The following TRIO variants were observed in gnomAD, a reference collection of about 807,000 sequenced individuals.
TRIO encodes triple functional domain protein.
A neutral mutation model predicts 351.9 loss-of-function variants in TRIO; 58 were observed. That is an observed-to-expected ratio of 0.16 (90% CI 0.13 to 0.21). The LOEUF (loss-of-function observed/expected upper bound fraction) is 0.21, where lower values mean the gene tolerates loss of function less well. Among genes scored for constraint, TRIO ranks in the 10% least tolerant of loss-of-function variants. TRIO has a pLI of 1.00. For missense variants in TRIO, 3,201 were observed against 4,027.8 expected (o/e 0.79, Z 5.56); for synonymous variants, 1,758 against 1,595.7 (o/e 1.10, Z -2.42).
Position 14,374,353 on chromosome 5 carries a change from G to A in TRIO, c.3331+10G>A. Reference sequence around the variant, plus strand: ...GAACAGCAAGTGAAAAGTGAGTAGAGCTGGGAGTCTCCAGGGGTGGCCCAG... The same window carrying A: ...GAACAGCAAGTGAAAAGTGAGTAGAACTGGGAGTCTCCAGGGGTGGCCCAG... On this transcript the variant is annotated intron_variant, in intron 19 of 56. Transcript: ENST00000344204. 2 of 1,609,736 alleles carry A rather than the reference G, an allele frequency of 1.2e-6. No individual in the cohort carries two copies. The highest frequency in any genetic ancestry group is 1.7e-6 in the Non-Finnish European group (2 of 1,177,324).
At chr5:14,448,363 T>TG (rs1327817470) in intron 34 of TRIO, among the ~76,000 whole-genome samples, 1 of 152,160 alleles carries the variant, frequency 6.6e-6, no homozygotes, top group Middle Eastern at 3.2e-3. Context: ...TGGGGGAATA[T>TG]GGGGTCACAT....
chr5:14,380,062 G>A (rs529942100), intron 20 of TRIO, among the ~76,000 whole-genome samples: 1 of 152,110 alleles, frequency 6.6e-6, no homozygotes, highest in African/African-American at 2.4e-5. Context: ...TTCCTCTTCT[G>A]TCTTTTCTGT....
At chr5:14,169,012 C>T (rs1036518370) in intron 1 of TRIO, among the ~76,000 whole-genome samples, 3 of 152,196 alleles carry the variant, frequency 2.0e-5, no homozygotes, top group Non-Finnish European at 4.4e-5. Context: ...GGAGCCTCTA[C>T]TTAGGGGATT....
At chr5:14,263,704 T>TG (rs1244579193) in intron 1 of TRIO, among the ~76,000 whole-genome samples, 1 of 152,136 alleles carries the variant, frequency 6.6e-6, no homozygotes, top group African/African-American at 2.4e-5. Context: ...AGCAAGTCTT[T>TG]GGGGCAGGAC....
At chr5:14,425,977 G>T (rs1301618266) in intron 34 of TRIO, among the ~76,000 whole-genome samples, 1 of 152,144 alleles carries the variant, frequency 6.6e-6, no homozygotes, top group East Asian at 1.9e-4. Flanking sequence ...TTAATTTTTT[G>T]AGGCTGCCCA....
chr5:14,220,750 G>A (rs1944634609), intron 1 of TRIO, among the ~76,000 whole-genome samples: 1 of 152,222 alleles, frequency 6.6e-6, no homozygotes, highest in Non-Finnish European at 1.5e-5. Flanking sequence ...TCTGATAGAG[G>A]TGAGGAAGCT....
intron 1 of TRIO, among the ~76,000 whole-genome samples, chr5:14,228,819 C>T (rs551802284): frequency 5.3e-5 from 8 of 151,814 alleles, no homozygotes; most frequent in East Asian, 3.9e-4. Context: ...TGCAGTGAGC[C>T]GAGATCATGC....
intron 8 of TRIO, among the ~76,000 whole-genome samples, chr5:14,308,005 G>T (rs1738525643): frequency 6.6e-6 from 1 of 152,014 alleles, no homozygotes; most frequent in African/African-American, 2.4e-5. Flanking sequence ...TTTTTGATAT[G>T]TCCTTATTGT....
intron 15 of TRIO, among the ~76,000 whole-genome samples, chr5:14,365,400 AAAGT>A (rs1018439478): frequency 1.3e-5 from 2 of 152,178 alleles, no homozygotes; most frequent in Non-Finnish European, 2.9e-5. Flanking sequence ...AAGCAAACAG[AAAGT>A]AAGTTTGGTT....
At position 14,195,354 on chromosome 5, in the gene TRIO, A is replaced by G. The variant is rs566552169; in HGVS notation, c.157+51472A>G. 3.5e-4 allele frequency among the ~76,000 whole-genome samples: 53 copies of G among 152,278 alleles called. 1 individual carries two copies. Among genetic ancestry groups the G allele is most frequent in the African/African-American group, 1.3e-3 (53 of 41,538 alleles). On this transcript the variant is annotated intron_variant, in intron 1 of 56. Transcript: ENST00000344204. ...TCCTTGTGATGTGGGTGGGAATACTACTGAAGGGTGGTATTGTGCTCTCTG... is the reference window on the plus strand; with the variant it reads ...TCCTTGTGATGTGGGTGGGAATACTGCTGAAGGGTGGTATTGTGCTCTCTG...
chr5:14,351,721 G>A (rs1482654198), intron 11 of TRIO, among the ~76,000 whole-genome samples: 1 of 152,194 alleles, frequency 6.6e-6, no homozygotes. Context: ...AAGGACCCCA[G>A]GAGATGTGTT....
chr5:14,369,909 G>A (rs1274635801), intron 18 of TRIO, among the ~76,000 whole-genome samples: 1 of 152,138 alleles, frequency 6.6e-6, no homozygotes, highest in Non-Finnish European at 1.5e-5. Context: ...CATAGGGAAT[G>A]AAGATTGCAT....
At chr5:14,414,102 T>C (rs1480718291) in intron 33 of TRIO, among the ~76,000 whole-genome samples, 1 of 152,240 alleles carries the variant, frequency 6.6e-6, no homozygotes, top group East Asian at 1.9e-4. Context: ...GTTTCTTGCT[T>C]TCCAGAGCCT....
chr5:14,295,263 G>T (rs1303463397), intron 6 of TRIO, among the ~76,000 whole-genome samples: 1 of 152,188 alleles, frequency 6.6e-6, no homozygotes, highest in Non-Finnish European at 1.5e-5. Flanking sequence ...CAACAATTAT[G>T]CATGTTCTAC....
intron 31 of TRIO, among the ~76,000 whole-genome samples, chr5:14,401,917 C>G (rs1029344694): frequency 1.2e-4 from 19 of 152,264 alleles, no homozygotes; most frequent in African/African-American, 4.6e-4. Context: ...GTGTCTCTTG[C>G]ATGCTTTTTC....
chr5:14,495,859 T>C (rs902210443), intron 49 of TRIO, among the ~76,000 whole-genome samples: 7 of 151,896 alleles, frequency 4.6e-5, no homozygotes, highest in Admixed American at 6.6e-5. Context: ...TCCCAGTTAC[T>C]TGGGAGGCTG....
chr5:14,469,964 T>TG lies in TRIO; in HGVS notation c.5764-1348dup, dbSNP rs545460279. Among the ~76,000 whole-genome samples, 13 of 152,250 alleles carry TG rather than the reference T, an allele frequency of 8.5e-5. No individual in the cohort carries two copies. The East Asian group carries it at 1.5e-3, about 18-fold the overall frequency. On this transcript the variant is annotated intron_variant, in intron 37 of 56. Coordinates refer to ENST00000344204, the MANE Select transcript of TRIO (RefSeq NM_007118.4). Reference sequence around the variant, plus strand: ...AGGCTTCAGCTGTCCAGGTGGGGGATGGGGGGTACAGAACATCCTCCCTTC... The same window carrying TG: ...AGGCTTCAGCTGTCCAGGTGGGGGATGGGGGGGTACAGAACATCCTCCCTTC...
At chr5:14,160,853 T>G (rs934851215) in intron 1 of TRIO, among the ~76,000 whole-genome samples, 2 of 152,224 alleles carry the variant, frequency 1.3e-5, no homozygotes, top group African/African-American at 4.8e-5. Context: ...CTCCTCTTTT[T>G]GTTTGCATGG....
intron 48 of TRIO, 127 bp from the exon 49 acceptor site, chr5:14,492,440 G>C: frequency 7.8e-7 from 1 of 1,280,696 alleles, no homozygotes; most frequent in Non-Finnish European, 1.1e-6. Flanking sequence ...AAAATTTCTC[G>C]GTGCTTGCCT....
Sources: gnomAD v4.1 joint callset for allele counts (sites outside exome capture counted in the v4.1 genomes callset) on GRCh38, gnomAD v4.1.1 for gene constraint, MANE v1.5 for transcripts, NCBI Gene and HGNC (gene_info 2026-07-23, HGNC 2026-07-21) for gene names.